RALGAPA2: variants seen among roughly 807,000 people sequenced by gnomAD.
The protein encoded by RALGAPA2 is ral GTPase-activating protein subunit alpha-2.
A neutral mutation model predicts 230.4 loss-of-function variants in RALGAPA2; 139 were observed. That is an observed-to-expected ratio of 0.60 (90% CI 0.53 to 0.69). The LOEUF is 0.69. RALGAPA2 is among the 30% of genes least tolerant of loss of function. The pLI is 0.00. For missense variants in RALGAPA2, 2,163 were observed against 2,276.0 expected (o/e 0.95, Z 1.01); for synonymous variants, 847 against 837.8 (o/e 1.01, Z -0.19).
At chr20:20,691,050 GC>G (rs996835325) in intron 1 of RALGAPA2, among the ~76,000 whole-genome samples, 10 of 151,866 alleles carry the variant, frequency 6.6e-5, no homozygotes, top group African/African-American at 2.4e-4. Flanking sequence ...TACCTCTGCC[GC>G]CCACACCCAC....
At chr20:20,544,011 A>G (rs1466604799) in intron 24 of RALGAPA2, among the ~76,000 whole-genome samples, 1 of 152,118 alleles carries the variant, frequency 6.6e-6, no homozygotes, top group Non-Finnish European at 1.5e-5. Context: ...TCTCAAAAGA[A>G]GACTTATGTG....
At chr20:20,478,296 T>C (rs2061695461) in intron 36 of RALGAPA2, among the ~76,000 whole-genome samples, 1 of 152,088 alleles carries the variant, frequency 6.6e-6, no homozygotes, top group Non-Finnish European at 1.5e-5. Context: ...GAAATGCTCA[T>C]ATTAGAAAGA....
At chr20:20,579,917 C>T (rs961023045) in intron 20 of RALGAPA2, among the ~76,000 whole-genome samples, 28 of 152,026 alleles carry the variant, frequency 1.8e-4, no homozygotes, top group Non-Finnish European at 2.6e-4. Context: ...CTGTTCCATC[C>T]GTCTATTTGT....
intron 9 of RALGAPA2, among the ~76,000 whole-genome samples, chr20:20,634,699 G>A (rs1368890601): frequency 6.6e-6 from 1 of 152,088 alleles, no homozygotes; most frequent in Non-Finnish European, 1.5e-5. Flanking sequence ...CCTGTTCTTG[G>A]GGACAATAAA....
At position 20,589,385 on chromosome 20, in the gene RALGAPA2, G is replaced by C. The variant is rs2065222269; in HGVS notation, c.2342-20C>G. Reference sequence around the variant, plus strand: ...TTTGACCTAGAAATGGTGGGGCAGGGGGGTAGCGGAAATAGAAGGAATGTT... The same window carrying C: ...TTTGACCTAGAAATGGTGGGGCAGGCGGGTAGCGGAAATAGAAGGAATGTT... On this transcript the variant is annotated intron_variant, in intron 17 of 39. Transcript: ENST00000202677. 2 of 1,562,772 alleles carry C rather than the reference G, an allele frequency of 1.3e-6. No homozygotes were observed. The highest frequency in any genetic ancestry group is 1.7e-6 in the Non-Finnish European group (2 of 1,151,814).
intron 37 of RALGAPA2, among the ~76,000 whole-genome samples, chr20:20,420,814 A>C (rs1913044768): frequency 6.6e-6 from 1 of 152,212 alleles, no homozygotes; most frequent in Non-Finnish European, 1.5e-5. Context: ...TTTTAAACCT[A>C]GTAAAAAAAA....
At chr20:20,504,698 C>G (rs372348997) in intron 34 of RALGAPA2, among the ~76,000 whole-genome samples, 2 of 151,482 alleles carry the variant, frequency 1.3e-5, no homozygotes, top group East Asian at 3.9e-4. Context: ...TGCACTCCAG[C>G]CTGGTGAAAG....
Position 20,503,463 on chromosome 20 carries a change from C to T in RALGAPA2, c.5096G>A (p.Arg1699His), listed in dbSNP as rs970487194. The T allele has an allele frequency of 1.8e-5, 29 of 1,603,944 alleles. No individual in the cohort carries two copies. The highest frequency in any genetic ancestry group is 2.2e-5 in the South Asian group (2 of 89,782). The change falls in exon 35 of 40, where the codon CGC (arginine) becomes CAC (histidine). Residue 1699 changes from arginine (R) to histidine (H), a missense_variant. Coordinates refer to ENST00000202677, the MANE Select transcript of RALGAPA2 (RefSeq NM_020343.4). ...GGCCGTCTGCCCGGTGCTGCCATTGCGCTGAAGGCCACCCATGAACCCACA... is the reference window on the plus strand; with the variant it reads ...GGCCGTCTGCCCGGTGCTGCCATTGTGCTGAAGGCCACCCATGAACCCACA... ...THCGFMGGLQRNGSTGQTAPY... is the reference protein window; with the variant it reads ...THCGFMGGLQHNGSTGQTAPY...
chr20:20,545,930 ATGG>A (rs2063762941), intron 24 of RALGAPA2, among the ~76,000 whole-genome samples: 1 of 152,130 alleles, frequency 6.6e-6, no homozygotes, highest in African/African-American at 2.4e-5. Context: ...GCCAGGCATA[ATGG>A]CGTGTACCTG....
In RALGAPA2 at chr20:20,619,313, A is replaced by C. The variant is rs751425247; in HGVS notation, c.1503T>G (p.Asn501Lys). 1 of 1,610,666 alleles carries C rather than the reference A, an allele frequency of 6.2e-7. No homozygotes were observed. Among genetic ancestry groups the C allele is most frequent in the Non-Finnish European group, 8.5e-7 (1 of 1,177,888 alleles). ...MSRGCVTEEENTNVKAGVQAL... is the reference protein window; with the variant it reads ...MSRGCVTEEEKTNVKAGVQAL... ...CCTGGACGCCGGCTTTCACATTTGT[A>C]TTTTCCTCCTCTGTCACACACCCTC... The change falls in exon 12 of 40, where the codon AAT (asparagine) becomes AAG (lysine). Residue 501 changes from asparagine (N) to lysine (K), a missense_variant. By Grantham distance (94) the Asn-to-Lys change is moderately conservative. Transcript: ENST00000202677.
chr20:20,401,450 C>T (rs1211508502), intron 38 of RALGAPA2, among the ~76,000 whole-genome samples: 6 of 152,172 alleles, frequency 3.9e-5, no homozygotes, highest in Non-Finnish European at 7.3e-5. Context: ...TGGCACACTG[C>T]TTTTCAGTGA....
At chr20:20,690,607 C>T (rs1603247451) in intron 1 of RALGAPA2, among the ~76,000 whole-genome samples, 1 of 151,914 alleles carries the variant, frequency 6.6e-6, no homozygotes, top group Middle Eastern at 3.4e-3. Context: ...CACCAAATTC[C>T]GTCTTCTATG....
At chr20:20,516,804 G>A (rs118013495) in intron 31 of RALGAPA2, among the ~76,000 whole-genome samples, 2,006 of 152,308 alleles carry the variant, frequency 0.013, 22 homozygotes, top group Non-Finnish European at 0.022. Context: ...CGGTAGTCTG[G>A]CTATCAAGAA....
intron 38 of RALGAPA2, among the ~76,000 whole-genome samples, chr20:20,406,067 A>G (rs2059938708): frequency 6.6e-6 from 1 of 152,254 alleles, no homozygotes; most frequent in South Asian, 2.1e-4. Flanking sequence ...ATATGTAACC[A>G]CAAGTCGGAT....
At chr20:20,494,639 T>G (rs1227686777) in intron 36 of RALGAPA2, among the ~76,000 whole-genome samples, 1 of 152,202 alleles carries the variant, frequency 6.6e-6, no homozygotes, top group Admixed American at 6.5e-5. Context: ...GGCCTCTTCG[T>G]GGACATGCCT....
Position 20,583,245 on chromosome 20 carries a change from CAA to C in RALGAPA2, c.2531-21_2531-20del. ...CTTTCACCTGGTACAATGGAAGAAC[CAA>C]AGTTTAAGATAAAAAATAGCTGAAA... On this transcript the variant is annotated intron_variant, in intron 19 of 39. Transcript: ENST00000202677. 6.4e-7 allele frequency: 1 copy of C among 1,572,296 alleles called. No homozygotes were observed. The highest frequency in any genetic ancestry group is 8.6e-7 in the Non-Finnish European group (1 of 1,159,726).
At chr20:20,529,743 A>G (rs2063320086) in intron 27 of RALGAPA2, among the ~76,000 whole-genome samples, 1 of 152,168 alleles carries the variant, frequency 6.6e-6, no homozygotes, top group Admixed American at 6.5e-5. Context: ...TTTCTGTAAT[A>G]TTCTTTATGA....
At chr20:20,588,990 A>C (rs1450705743) in intron 18 of RALGAPA2, among the ~76,000 whole-genome samples, 1 of 152,220 alleles carries the variant, frequency 6.6e-6, no homozygotes, top group Non-Finnish European at 1.5e-5. Context: ...CGTAGGTTTA[A>C]CAGGCAAAGG....
At chr20:20,527,339 T>A (rs1438383333) in intron 27 of RALGAPA2, among the ~76,000 whole-genome samples, 8 of 152,030 alleles carry the variant, frequency 5.3e-5, no homozygotes, top group Non-Finnish European at 1.0e-4. Flanking sequence ...AAACCCAGGG[T>A]TGTAGTCGTT....
Sources: allele counts gnomAD v4.1 joint callset (sites outside exome capture counted in the v4.1 genomes callset), GRCh38; gene constraint gnomAD v4.1.1; transcripts MANE v1.5; gene names NCBI Gene and HGNC (gene_info 2026-07-23, HGNC 2026-07-21).